Variants in CAD observed in about 807,000 individuals in gnomAD.
The protein encoded by CAD is multifunctional protein CAD.
A neutral mutation model predicts 237.2 loss-of-function variants in CAD; 81 were observed. That is an observed-to-expected ratio of 0.34 (90% confidence interval 0.29 to 0.41). The LOEUF is 0.41. Ranked by LOEUF, CAD falls within the 10% of genes least tolerant of loss-of-function variation. The pLI is 1.00. For synonymous variants in CAD, 1,196 were observed against 1,162.8 expected (o/e 1.03, Z -0.58); for missense variants, 2,181 against 2,951.7 (o/e 0.74, Z 6.05).
chr2:27,238,364 A>T, intron 30 of CAD, 67 bp from the exon 31 acceptor site: 1 of 1,490,582 alleles, frequency 6.7e-7, no homozygotes, highest in Non-Finnish European at 9.1e-7. Context: ...GATGTTGGCC[A>T]TTGGGACTTT....
In CAD at chr2:27,231,195, A is replaced by G. The variant is rs1042502922; in HGVS notation, c.2288-273A>G. On this transcript the variant is annotated intron_variant, in intron 15 of 43. Transcript: ENST00000264705. ...TAATTTTTTTGTATTTTTAGTAGAG[A>G]CGGGGTTTCACCATGTTAGCCAGGA... 3.3e-5 allele frequency among the ~76,000 whole-genome samples: 5 copies of G among 152,186 alleles called. No individual in the cohort carries two copies. The South Asian group carries it at 1.0e-3, about 32-fold the overall frequency.
rs778120732 is a variant in CAD at position 27,235,635 on chromosome 2, G to T, written c.4069G>T (p.Val1357Phe). 6 of 1,613,858 alleles carry T rather than the reference G, an allele frequency of 3.7e-6. No homozygotes were observed. Among genetic ancestry groups the T allele is most frequent in the Non-Finnish European group, 4.2e-6 (5 of 1,179,786 alleles). The change falls in exon 25 of 44, where the codon GTC becomes TTC. Residue 1357 changes from valine to phenylalanine, a missense_variant. Physicochemically the swap from Val to Phe is conservative, Grantham distance 50. This residue lies in a region of CAD where 306 missense variants were observed against 607.9 expected (regional missense o/e 0.50). Coordinates refer to ENST00000264705, the MANE Select transcript of CAD (RefSeq NM_004341.5). This position sits in a 1 kb window ranked among gnomAD's most constrained non-coding sequence, Gnocchi z 5.2. The part of the protein sequence containing the change: ...GTADFYTEHG[V>F]KVTAVDWHFE... Reference sequence around the variant, plus strand: ...AGCTGACTTCTACACTGAGCATGGCGTCAAGGTGCAGGAACTCTGGCAACC... The same window carrying T: ...AGCTGACTTCTACACTGAGCATGGCTTCAAGGTGCAGGAACTCTGGCAACC...
Position 27,240,385 on chromosome 2 carries a change from C to CAG in CAD, c.5593+28_5593+29dup. 1 of 1,602,260 alleles carries CAG rather than the reference C, an allele frequency of 6.2e-7. No homozygotes were observed. The highest frequency in any genetic ancestry group is 8.6e-7 in the Non-Finnish European group (1 of 1,169,246). On this transcript the variant is annotated intron_variant, in intron 35 of 43. Transcript: ENST00000264705. This position sits in a 1 kb window ranked among gnomAD's most constrained non-coding sequence, Gnocchi z 4.6. ...AGGTAAGAGTGGGGTTCCTGTGACT[C>CAG]AGAGACTGTGTAGGGACAGGATCCA...
chr2:27,231,865 C>T, intron 16 of CAD, 115 bp from the exon 17 acceptor site: 3 of 1,303,972 alleles, frequency 2.3e-6, no homozygotes, highest in Non-Finnish European at 3.2e-6. Context: ...TTTGCAGTTA[C>T]ACAGCCTGTG....
rs375370043 is a variant in CAD at position 27,243,031 on chromosome 2, G to A, written c.6480+58G>A. The A allele has an allele frequency of 2.8e-6, 4 of 1,443,144 alleles. No homozygotes were observed. In the African/African-American group the frequency reaches 4.2e-5, roughly 15 times the overall value. 89.4% of individuals were successfully genotyped at this position (1,443,144 alleles called of 1,614,324 possible). On this transcript the variant is annotated intron_variant, in intron 42 of 43. Transcript: ENST00000264705. The stretch of plus-strand genomic sequence containing the variant: ...TGCTGCCGTAGGGCATCAGATATGA[G>A]GACAGAAAGGCTGGGCTGAGGGCTG...
rs542313560 is a variant in CAD at position 27,236,109 on chromosome 2, C to T, written c.4075-175C>T. On this transcript the variant is annotated intron_variant, in intron 25 of 43. Coordinates refer to ENST00000264705, the MANE Select transcript of CAD (RefSeq NM_004341.5). This position sits in a 1 kb window ranked among gnomAD's most constrained non-coding sequence, Gnocchi z 4.1. ...AACCCATCTTACTTAGTGTAGATAT[C>T]TTTCCTGCCAAGAAATACACTTTGC... Among the ~76,000 whole-genome samples the T allele has an allele frequency of 4.6e-5, 7 of 152,250 alleles. No homozygotes were observed. The highest frequency in any genetic ancestry group is 8.8e-5 in the Non-Finnish European group (6 of 68,016).
rs746096917 is a variant in CAD at position 27,240,391 on chromosome 2, CTG to C, written c.5593+34_5593+35del. ...GAGTGGGGTTCCTGTGACTCAGAGA[CTG>C]TGTAGGGACAGGATCCACTTCTTCC... On this transcript the variant is annotated intron_variant, in intron 35 of 43. Transcript: ENST00000264705. This position sits in a 1 kb window ranked among gnomAD's most constrained non-coding sequence, Gnocchi z 4.6. 1.8e-5 allele frequency: 28 copies of C among 1,592,098 alleles called. No individual in the cohort carries two copies. In the East Asian group the frequency reaches 5.1e-4, roughly 29 times the overall value.
In CAD at chr2:27,217,444, C is replaced by T. The variant is rs1674916962; in HGVS notation, c.-108C>T. 8.3e-6 allele frequency: 8 copies of T among 959,850 alleles called. No homozygotes were observed. In the Admixed American group the frequency reaches 1.6e-4, roughly 19 times the overall value. 59.5% of individuals were successfully genotyped at this position (959,850 alleles called of 1,614,324 possible). ...CCGGCTTCTCTCCAGCGCCCCGCGC[C>T]GTTAGCCACGTGGACCGACTCCGGC... On this transcript the variant is annotated 5_prime_UTR_variant, in exon 1 of 44. Transcript: ENST00000264705.
chr2:27,226,386 T>C (rs898322261), intron 13 of CAD, 67 bp downstream of exon 13: 12 of 1,560,716 alleles, frequency 7.7e-6, no homozygotes, highest in Non-Finnish European at 9.7e-6. Flanking sequence ...TTTTTGGCCC[T>C]TGAGGTTGAG....
intron 3 of CAD, 27 bp downstream of exon 3, chr2:27,221,374 G>T (rs1477756137): frequency 1.3e-6 from 2 of 1,527,142 alleles, no homozygotes; most frequent in East Asian, 2.4e-5. Flanking sequence ...GGGCATATTT[G>T]GGCAGAGCAC....
At chr2:27,230,564 T>C (rs369889662) in intron 15 of CAD, among the ~76,000 whole-genome samples, 6 of 151,954 alleles carry the variant, frequency 3.9e-5, no homozygotes, top group Non-Finnish European at 7.4e-5. Context: ...AAGCAGAGGT[T>C]GCAGTGAGTC....
intron 43 of CAD, 31 bp downstream of exon 43, chr2:27,243,323 C>A: frequency 6.2e-7 from 1 of 1,610,636 alleles, no homozygotes. Flanking sequence ...GAGACTGCCT[C>A]GGGGCTGGTG....
intron 2 of CAD, among the ~76,000 whole-genome samples, chr2:27,219,658 T>TGGCTCACTGCAACCTC (rs1305859855): frequency 2.6e-5 from 4 of 152,106 alleles, no homozygotes; most frequent in Non-Finnish European, 5.9e-5. Flanking sequence ...TGGGCAACCT[T>TGGCTCACTGCAACCTC]GGCTCACTGC....
chr2:27,237,325 A>G lies in CAD; in HGVS notation c.4397-54A>G. 3 of 1,584,236 alleles carry G rather than the reference A, an allele frequency of 1.9e-6. No homozygotes were observed. The highest frequency in any genetic ancestry group is 2.6e-6 in the Non-Finnish European group (3 of 1,156,204). ...AGGCGTGAGCCACCATGTCCAGCTC[A>G]CCCTTCCTATTTCTGAATCTTCCTG... On this transcript the variant is annotated intron_variant, in intron 27 of 43. Transcript: ENST00000264705. The surrounding 1 kb of genome is among the most constrained non-coding windows in gnomAD (Gnocchi z 4.0).
At position 27,241,149 on chromosome 2, in the gene CAD, G is replaced by A; in HGVS notation, c.5730G>A (p.Leu1910=). ...AGAACCTGGGGACCCCTGGCTTGCT[G>A]CACCCCCAGACCTCACCCCTGCTGC... ...SPQNLGTPGL[L]HPQTSPLLHS... Residue 1910 remains leucine (L), a synonymous_variant, in exon 37 of 44, where the codon CTG becomes CTA. Coordinates refer to ENST00000264705, the MANE Select transcript of CAD (RefSeq NM_004341.5). The surrounding 1 kb of genome is among the most constrained non-coding windows in gnomAD (Gnocchi z 4.6). The A allele has an allele frequency of 6.2e-7, 1 of 1,612,538 alleles. No individual in the cohort carries two copies. Among genetic ancestry groups the A allele is most frequent in the Non-Finnish European group, 8.5e-7 (1 of 1,179,354 alleles).
Position 27,233,643 on chromosome 2 carries a change from C to T in CAD, c.3234C>T (p.Cys1078=). The T allele has an allele frequency of 6.2e-7, 1 of 1,614,126 alleles. No homozygotes were observed. Among genetic ancestry groups the T allele is most frequent in the Non-Finnish European group, 8.5e-7 (1 of 1,180,042 alleles). Residue 1078 remains cysteine (C), a synonymous_variant, in exon 21 of 44, where the codon TGC becomes TGT. Transcript: ENST00000264705. This position sits in a 1 kb window ranked among gnomAD's most constrained non-coding sequence, Gnocchi z 6.3. The stretch of plus-strand genomic sequence containing the variant: ...TCCTGTAGTCTGCTCGCCAATTCTG[C>T]CAGACCGTGGGGTACCCCTGTGTGG... ...LSDLESARQF[C]QTVGYPCVVR...
chr2:27,219,581 A>G (rs772363061), intron 2 of CAD, among the ~76,000 whole-genome samples: 2 of 151,298 alleles, frequency 1.3e-5, no homozygotes, highest in African/African-American at 4.9e-5. Context: ...TTTTTTATTT[A>G]ATTTTTTTTT....
chr2:27,237,357 T>TG lies in CAD; in HGVS notation c.4397-21dup. The TG allele has an allele frequency of 6.2e-7, 1 of 1,612,452 alleles. No individual in the cohort carries two copies. The highest frequency in any genetic ancestry group is 8.5e-7 in the Non-Finnish European group (1 of 1,178,668). On this transcript the variant is annotated intron_variant, in intron 27 of 43. Coordinates refer to ENST00000264705, the MANE Select transcript of CAD (RefSeq NM_004341.5). This position sits in a 1 kb window ranked among gnomAD's most constrained non-coding sequence, Gnocchi z 4.0. ...CTATTTCTGAATCTTCCTGTAATCTTGCTGCTTCCATTTTCTCCCAGGATT... is the reference window on the plus strand; with the variant it reads ...CTATTTCTGAATCTTCCTGTAATCTTGGCTGCTTCCATTTTCTCCCAGGATT...
Position 27,222,955 on chromosome 2 carries a change from C to A in CAD, c.727C>A (p.Pro243Thr), listed in dbSNP as rs1423071370. The A allele has an allele frequency of 5.0e-6, 8 of 1,614,032 alleles. No individual in the cohort carries two copies. Among genetic ancestry groups the A allele is most frequent in the Non-Finnish European group, 6.8e-6 (8 of 1,180,012 alleles). Residue 243 changes from proline (P) to threonine (T), a missense_variant, in exon 6 of 44, where the codon CCT becomes ACT. Physicochemically the swap from Pro to Thr is conservative, Grantham distance 38. This residue lies in a region of CAD where 314 missense variants were observed against 339.4 expected (regional missense o/e 0.93). Coordinates refer to ENST00000264705, the MANE Select transcript of CAD (RefSeq NM_004341.5). ...CACACTGAGCCGTGTTTTATCTGAG[C>A]CTAATCCCCGACCTGTCTTTGGGAT... is the stretch of plus-strand genomic sequence containing the variant. ...VSTLSRVLSE[P>T]NPRPVFGICL...
Sources: allele counts gnomAD v4.1 joint callset (sites outside exome capture counted in the v4.1 genomes callset), GRCh38; gene constraint gnomAD v4.1.1; regional missense constraint gnomAD v4.1.1; non-coding constraint Gnocchi (gnomAD v3.1); transcripts MANE v1.5; gene names NCBI Gene and HGNC (gene_info 2026-07-23, HGNC 2026-07-21).